Variants in MAP3K15 observed in about 807,000 individuals in gnomAD.
MAP3K15 encodes the protein mitogen-activated protein kinase kinase kinase 15.
A neutral mutation model predicts 99.5 loss-of-function variants in MAP3K15; 124 were observed. That is an observed-to-expected ratio of 1.25 (90% confidence interval 1.08 to 1.45). The LOEUF is 1.45. Ranked by LOEUF, MAP3K15 falls within the 40% of genes most tolerant of loss-of-function variation. MAP3K15 has a pLI of 0.00. For synonymous variants in MAP3K15, 494 were observed against 439.6 expected, an observed-to-expected ratio of 1.12 and a Z score of -1.55; for missense variants, 1,242 against 1,079.7, an observed-to-expected ratio of 1.15 and a Z score of -2.11.
intron 3 of MAP3K15, among the ~76,000 whole-genome samples, chrX:19,479,740 ACAGC>A (rs1357239880): frequency 1.8e-5 from 2 of 112,409 alleles, no homozygotes; most frequent in Admixed American, 9.4e-5. Context: ...TTTCATAAAG[ACAGC>A]CTTGATCTGT....
chrX:19,483,306 C>T (rs1034782407), intron 3 of MAP3K15, among the ~76,000 whole-genome samples: 1 of 109,466 alleles, frequency 9.1e-6, no homozygotes, highest in Non-Finnish European at 1.9e-5. Flanking sequence ...CACTTCGCTG[C>T]CACATAAAGC....
intron 6 of MAP3K15, among the ~76,000 whole-genome samples, chrX:19,456,198 C>T (rs1469569939): frequency 8.9e-6 from 1 of 111,850 alleles, no homozygotes; most frequent in Admixed American, 9.6e-5. Context: ...ATGTCCATAG[C>T]AGCGCTGTTC....
rs747680124 is a variant in MAP3K15 at position 19,429,257 on chromosome X, T to C, written c.1166+2181A>G. On this transcript the variant is annotated intron_variant, in intron 7 of 28. Transcript: ENST00000338883. ...GAATAAGCTATAAATCTGTGAAGGA[T>C]AGACTGAGCAGACAGCAAGCAGGGA... 6.3e-5 allele frequency among the ~76,000 whole-genome samples: 7 copies of C among 110,631 alleles called. No individual in the cohort carries two copies. The Admixed American group carries it at 6.8e-4, about 11-fold the overall frequency.
intron 3 of MAP3K15, among the ~76,000 whole-genome samples, chrX:19,473,597 C>T (rs1448044667): frequency 8.9e-6 from 1 of 111,895 alleles, no homozygotes; most frequent in East Asian, 2.8e-4. Flanking sequence ...AAGTCCTATT[C>T]TAAACACTCT....
At chrX:19,389,914 C>T (rs1212969062) in intron 18 of MAP3K15, among the ~76,000 whole-genome samples, 1 of 112,144 alleles carries the variant, frequency 8.9e-6, no homozygotes, top group Admixed American at 9.5e-5. Context: ...CATATACACA[C>T]ATTGACAGAT....
At chrX:19,361,245 TG>T (rs2063282772) in intron 28 of MAP3K15, 93 bp downstream of exon 28, 7 of 737,346 alleles carry the variant, frequency 9.5e-6, no homozygotes, top group Non-Finnish European at 1.4e-5. Flanking sequence ...CTCCAGAGTT[TG>T]GGGGGAGGCC....
chrX:19,365,428 T>G (rs2063328397), intron 25 of MAP3K15, among the ~76,000 whole-genome samples: 1 of 112,101 alleles, frequency 8.9e-6, no homozygotes, highest in African/African-American at 3.2e-5. Flanking sequence ...CTCCATACTT[T>G]GTTAAGCCTA....
intron 1 of MAP3K15, among the ~76,000 whole-genome samples, chrX:19,489,244 A>T (rs1330592042): frequency 9.0e-6 from 1 of 111,449 alleles, no homozygotes; most frequent in Non-Finnish European, 1.9e-5. Context: ...ATGACATATC[A>T]CACATCTGAA....
chrX:19,466,399 T>C (rs2064169713), intron 3 of MAP3K15, among the ~76,000 whole-genome samples: 1 of 111,532 alleles, frequency 9.0e-6, no homozygotes, highest in South Asian at 3.8e-4. Context: ...GGGCGGTTTC[T>C]CCCATGCTGT....
At chrX:19,424,293 C>CACACATATAT (rs2063812821) in intron 9 of MAP3K15, among the ~76,000 whole-genome samples, 1 of 98,531 alleles carries the variant, frequency 1.0e-5, no homozygotes, top group African/African-American at 4.5e-5. Context: ...CATATATATA[C>CACACATATAT]ACATATATAT....
chrX:19,438,412 T>A (rs1363916504), intron 6 of MAP3K15, among the ~76,000 whole-genome samples: 1 of 112,183 alleles, frequency 8.9e-6, no homozygotes, highest in Non-Finnish European at 1.9e-5. Context: ...CTATTACTTA[T>A]GTAAAAAATG....
chrX:19,376,895 A>T (rs1293672648), intron 19 of MAP3K15: 1 of 111,273 alleles, frequency 9.0e-6, no homozygotes, highest in Non-Finnish European at 1.9e-5. Context: ...AGAAAGATTT[A>T]AAAAAGAAAA....
chrX:19,428,135 C>T (rs2063847160), intron 7 of MAP3K15, among the ~76,000 whole-genome samples: 1 of 111,670 alleles, frequency 9.0e-6, no homozygotes, highest in Non-Finnish European at 1.9e-5. Context: ...TGGTCTTGGA[C>T]CAGCTCCCTA....
chrX:19,432,721 C>CTT (rs756639640), intron 6 of MAP3K15, among the ~76,000 whole-genome samples: 49 of 99,632 alleles, frequency 4.9e-4, no homozygotes, highest in African/African-American at 1.7e-3. Flanking sequence ...TGCCCTTAAC[C>CTT]TTTTTTTTTT....
chrX:19,473,998 A>G (rs1325848215), intron 3 of MAP3K15, among the ~76,000 whole-genome samples: 1 of 112,024 alleles, frequency 8.9e-6, no homozygotes, highest in Non-Finnish European at 1.9e-5. Context: ...TGTCACTGAG[A>G]TGAACATCTT....
chrX:19,397,850 G>A (rs2063577792), intron 15 of MAP3K15, among the ~76,000 whole-genome samples: 1 of 110,505 alleles, frequency 9.0e-6, no homozygotes, highest in Non-Finnish European at 1.9e-5. Context: ...GGCCAAGGCG[G>A]GCAGATCACT....
chrX:19,368,350 C>G (rs1284265876), intron 25 of MAP3K15, among the ~76,000 whole-genome samples: 2 of 112,384 alleles, frequency 1.8e-5, no homozygotes, highest in Non-Finnish European at 3.8e-5. Flanking sequence ...CCATGTTGGC[C>G]AGGCTGTCTC....
At chrX:19,481,391 T>C (rs1468076740) in intron 3 of MAP3K15, among the ~76,000 whole-genome samples, 1 of 109,742 alleles carries the variant, frequency 9.1e-6, no homozygotes, top group East Asian at 2.8e-4. Flanking sequence ...TCAAAATGGA[T>C]CAGAGACCTA....
At chrX:19,407,061 T>G (rs2063653695) in intron 13 of MAP3K15, 127 bp downstream of exon 13, 1 of 427,043 alleles carries the variant, frequency 2.3e-6, no homozygotes, top group African/African-American at 2.6e-5. Flanking sequence ...TTTTAGAGCT[T>G]TTTTGAGATG....
Sources: allele counts gnomAD v4.1 joint callset (sites outside exome capture counted in the v4.1 genomes callset), GRCh38; gene constraint gnomAD v4.1.1; transcripts MANE v1.5; gene names NCBI Gene and HGNC (gene_info 2026-07-23, HGNC 2026-07-21).